SYNE1: variants seen among roughly 807,000 people sequenced by gnomAD.
SYNE1 encodes spectrin repeat containing nuclear envelope protein 1.
SYNE1 carries 616 observed loss-of-function variants against 1,111.0 expected under a neutral mutation model. The ratio of observed to expected loss-of-function variants is 0.55; its 90% CI spans 0.52 to 0.59. The LOEUF (loss-of-function observed/expected upper bound fraction) is 0.59. SYNE1 is among the 20% of genes least tolerant of loss of function. The pLI, the probability that SYNE1 is intolerant of heterozygous loss-of-function variation, is 0.00. For missense variants in SYNE1, 10,006 were observed against 10,417.0 expected, an observed-to-expected ratio of 0.96 and a Z score of 1.72; for synonymous variants, 3,855 against 3,825.8, an observed-to-expected ratio of 1.01 and a Z score of -0.28.
intron 126 of SYNE1, 137 bp downstream of exon 126, chr6:152,206,031 T>C: frequency 1.0e-6 from 1 of 991,682 alleles, no homozygotes; most frequent in Middle Eastern, 3.1e-4. Flanking sequence ...AAGTCTTAAA[T>C]AAAACACAGA....
intron 13 of SYNE1, among the ~76,000 whole-genome samples, chr6:152,484,301 C>A (rs952292394): frequency 3.9e-5 from 6 of 152,064 alleles, no homozygotes; most frequent in Admixed American, 3.9e-4. Context: ...GGTTTGAAAT[C>A]TTGGCCTTTA....
At chr6:152,472,013 G>C (rs1002817752) in intron 15 of SYNE1, 10 of 592,002 alleles carry the variant, frequency 1.7e-5, no homozygotes, top group Admixed American at 3.0e-5. Flanking sequence ...TTTATAAGCT[G>C]TTTTTGCAAT....
intron 80 of SYNE1, 119 bp from the exon 81 acceptor site, chr6:152,325,421 A>G: frequency 1.2e-5 from 11 of 919,932 alleles, no homozygotes; most frequent in Non-Finnish European, 1.9e-5. Flanking sequence ...GTTTCTACAT[A>G]CGTTTATTCT....
chr6:152,369,702 G>A, intron 59 of SYNE1, 88 bp from the exon 60 acceptor site: 2 of 1,515,426 alleles, frequency 1.3e-6, no homozygotes, highest in Non-Finnish European at 1.8e-6. Flanking sequence ...GTCCACCCAG[G>A]CTGGGCACAG....
chr6:152,303,402 C>CA (rs373230705), intron 91 of SYNE1, among the ~76,000 whole-genome samples: 10,275 of 120,316 alleles, frequency 0.085, 443 homozygotes, highest in East Asian at 0.17. Flanking sequence ...GACTCTGTCT[C>CA]AAAAAAAAAA....
intron 133 of SYNE1, among the ~76,000 whole-genome samples, chr6:152,154,565 GA>G (rs1422718424): frequency 6.6e-6 from 1 of 151,780 alleles, no homozygotes; most frequent in East Asian, 1.9e-4. Flanking sequence ...TTTAATCTTA[GA>G]AAAGATGGTT....
intron 130 of SYNE1, among the ~76,000 whole-genome samples, chr6:152,170,100 C>T (rs2064806868): frequency 6.6e-6 from 1 of 151,920 alleles, no homozygotes; most frequent in African/African-American, 2.4e-5. Flanking sequence ...ATTTCTTTTA[C>T]CTTATTTAGT....
intron 56 of SYNE1, among the ~76,000 whole-genome samples, chr6:152,378,902 C>T (rs758741407): frequency 8.5e-5 from 13 of 152,104 alleles, no homozygotes; most frequent in Non-Finnish European, 1.5e-4. Context: ...TTTGTCAATT[C>T]TTTATTTAAC....
In SYNE1 at chr6:152,391,590, A is replaced by AAAAAAAG. The variant is rs762264096; in HGVS notation, c.7713-23_7713-22insCTTTTTT. On this transcript the variant is annotated intron_variant, in intron 51 of 145. Transcript: ENST00000367255. Reference sequence around the variant, plus strand: ...CTCTCTGAAAAAAAGGAAAAAAAAAAAAAAGAAAAAAAATTAATTCTGACA... The same window carrying AAAAAAAG: ...CTCTCTGAAAAAAAGGAAAAAAAAAAAAAAAAGAAAAGAAAAAAAATTAATTCTGACA... 32 of 1,556,682 alleles carry AAAAAAAG rather than the reference A, an allele frequency of 2.1e-5. 1 individual carries two copies. The highest frequency in any genetic ancestry group is 4.8e-5 in the East Asian group (2 of 41,874).
At chr6:152,506,832 C>G (rs2099060796) in intron 8 of SYNE1, among the ~76,000 whole-genome samples, 1 of 152,132 alleles carries the variant, frequency 6.6e-6, no homozygotes, top group Non-Finnish European at 1.5e-5. Flanking sequence ...CTGCCTCGGC[C>G]CCCCAAAGTG....
In SYNE1 at chr6:152,544,813, C is replaced by T. The variant is rs567540369; in HGVS notation, c.68-4792G>A. ...TGTGGTTTACTCTAGGTGACTTAAA[C>T]ATGCACCCGGAAGCACAAAGATCAT... On this transcript the variant is annotated intron_variant, in intron 3 of 145. Transcript: ENST00000367255. Among the ~76,000 whole-genome samples the T allele has an allele frequency of 3.3e-5, 5 of 152,326 alleles. No homozygotes were observed. The East Asian group carries it at 9.6e-4, about 29-fold the overall frequency.
intron 3 of SYNE1, among the ~76,000 whole-genome samples, chr6:152,593,296 T>C (rs1475339792): frequency 6.6e-6 from 1 of 152,118 alleles, no homozygotes; most frequent in East Asian, 1.9e-4. Flanking sequence ...TGAAATGACA[T>C]AGCTTGGGCT....
intron 3 of SYNE1, among the ~76,000 whole-genome samples, chr6:152,597,011 A>T (rs2099583957): frequency 6.6e-6 from 1 of 152,190 alleles, no homozygotes; most frequent in Non-Finnish European, 1.5e-5. Flanking sequence ...ATAAAATTCA[A>T]TAAGATCACT....
At chr6:152,616,348 G>C (rs12190571) in intron 3 of SYNE1, among the ~76,000 whole-genome samples, 12,888 of 152,140 alleles carry the variant, frequency 0.085, 590 homozygotes, top group Middle Eastern at 0.13. Flanking sequence ...TTGGGCAGGA[G>C]CATCGCTTGA....
intron 11 of SYNE1, among the ~76,000 whole-genome samples, chr6:152,489,758 G>A (rs1358544138): frequency 6.6e-6 from 1 of 152,128 alleles, no homozygotes; most frequent in East Asian, 1.9e-4. Flanking sequence ...CCAGAAGTCT[G>A]AGTGAGGGCA....
At chr6:152,344,915 T>C (rs771369571) in intron 73 of SYNE1, among the ~76,000 whole-genome samples, 2 of 152,208 alleles carry the variant, frequency 1.3e-5, no homozygotes, top group African/African-American at 4.8e-5. Context: ...AGAAAATATA[T>C]CTGGGATGTT....
intron 3 of SYNE1, among the ~76,000 whole-genome samples, chr6:152,592,033 G>C (rs1239909603): frequency 6.6e-6 from 1 of 152,024 alleles, no homozygotes; most frequent in East Asian, 1.9e-4. Flanking sequence ...ATGCTTGCCA[G>C]GCTCCAGAGA....
chr6:152,589,378 T>C (rs544751633), intron 3 of SYNE1, among the ~76,000 whole-genome samples: 2 of 152,220 alleles, frequency 1.3e-5, no homozygotes, highest in Non-Finnish European at 2.9e-5. Flanking sequence ...AAATATTCTT[T>C]ATTTTAAAGT....
At chr6:152,357,259 G>A (rs1400779360) in intron 66 of SYNE1, among the ~76,000 whole-genome samples, 1 of 152,112 alleles carries the variant, frequency 6.6e-6, no homozygotes, top group Non-Finnish European at 1.5e-5. Flanking sequence ...TCCCATCAAG[G>A]ATTAGAGTCC....
Sources: allele counts gnomAD v4.1 joint callset (sites outside exome capture counted in the v4.1 genomes callset), GRCh38; gene constraint gnomAD v4.1.1; transcripts MANE v1.5; gene names NCBI Gene and HGNC (gene_info 2026-07-23, HGNC 2026-07-21).